Variants in NKAIN2 observed in about 807,000 individuals in gnomAD.
NKAIN2 encodes the protein sodium/potassium transporting ATPase interacting 2, also known as sodium/potassium-transporting ATPase subunit beta-1-interacting protein 2.
Under a neutral mutation model 32.6 loss-of-function variants are expected in NKAIN2, and 14 were observed. The observed-to-expected ratio is 0.43, with a 90% CI of 0.28 to 0.67. NKAIN2 has a LOEUF of 0.67. NKAIN2 is among the 30% of genes least tolerant of loss of function. The pLI is 0.17. For missense variants in NKAIN2, 198 were observed against 258.3 expected (o/e 0.77, Z 1.60); for synonymous variants, 80 against 87.2 (o/e 0.92, Z 0.46).
At chr6:124,572,414 A>G (rs568408941) in intron 3 of NKAIN2, among the ~76,000 whole-genome samples, 40 of 152,384 alleles carry the variant, frequency 2.6e-4, no homozygotes, top group Middle Eastern at 6.8e-3. Flanking sequence ...ATAATGAACC[A>G]TAACTGAGCA....
intron 3 of NKAIN2, among the ~76,000 whole-genome samples, chr6:124,506,261 G>A (rs1383959428): frequency 6.6e-6 from 1 of 152,152 alleles, no homozygotes; most frequent in African/African-American, 2.4e-5. Context: ...TGATATGGAA[G>A]GTGTTGAATT....
At chr6:124,816,386 T>C (rs1475771020) in intron 5 of NKAIN2, among the ~76,000 whole-genome samples, 2 of 152,148 alleles carry the variant, frequency 1.3e-5, no homozygotes, top group Admixed American at 1.3e-4. Flanking sequence ...ACCCATAGAA[T>C]GTACAACACC....
At chr6:124,721,770 G>A (rs1194903132) in intron 4 of NKAIN2, among the ~76,000 whole-genome samples, 2 of 152,074 alleles carry the variant, frequency 1.3e-5, no homozygotes, top group African/African-American at 4.8e-5. Flanking sequence ...GTGCCTCAAT[G>A]TACTGTCACC....
At chr6:123,931,135 C>T (rs1776234768) in intron 1 of NKAIN2, among the ~76,000 whole-genome samples, 1 of 151,756 alleles carries the variant, frequency 6.6e-6, no homozygotes, top group Non-Finnish European at 1.5e-5. Context: ...GGTGAGGTTA[C>T]CTCTTAACTC....
chr6:124,804,291 T>C (rs1780414976), intron 5 of NKAIN2, among the ~76,000 whole-genome samples: 1 of 152,218 alleles, frequency 6.6e-6, no homozygotes, highest in African/African-American at 2.4e-5. Flanking sequence ...TCACTGAGAA[T>C]TAGCAGATAT....
intron 1 of NKAIN2, among the ~76,000 whole-genome samples, chr6:124,063,167 A>G (rs1782996748): frequency 6.6e-6 from 1 of 151,958 alleles, no homozygotes; most frequent in Non-Finnish European, 1.5e-5. Context: ...CCTGGGCAAC[A>G]CAGTGAGACT....
intron 4 of NKAIN2, among the ~76,000 whole-genome samples, chr6:124,789,481 T>A (rs967348003): frequency 2.0e-5 from 3 of 151,964 alleles, no homozygotes; most frequent in Non-Finnish European, 4.4e-5. Context: ...CACAGCCAGA[T>A]CCAAGTACCA....
At chr6:124,155,598 C>CT (rs1196817378) in intron 1 of NKAIN2, among the ~76,000 whole-genome samples, 1,907 of 141,870 alleles carry the variant, frequency 0.013, 37 homozygotes, top group East Asian at 0.054. Context: ...TATATGCTAT[C>CT]TTTTTTTTTT....
At chr6:124,292,795 G>A (rs1795879235) in intron 2 of NKAIN2, among the ~76,000 whole-genome samples, 1 of 152,076 alleles carries the variant, frequency 6.6e-6, no homozygotes, top group African/African-American at 2.4e-5. Flanking sequence ...TACTGTGTCA[G>A]TTTAATGTTG....
chr6:123,998,054 A>G (rs1779704354), intron 1 of NKAIN2, among the ~76,000 whole-genome samples: 1 of 152,086 alleles, frequency 6.6e-6, no homozygotes, highest in South Asian at 2.1e-4. Context: ...TGGGGTTGGG[A>G]TTAAGTGCAC....
chr6:124,446,848 A>G (rs1008618772), intron 3 of NKAIN2, among the ~76,000 whole-genome samples: 2 of 152,120 alleles, frequency 1.3e-5, no homozygotes, highest in East Asian at 3.9e-4. Context: ...GATTCTGTCC[A>G]CAAGGGGACA....
chr6:124,286,133 C>T (rs73565682), intron 2 of NKAIN2, among the ~76,000 whole-genome samples: 20,875 of 152,064 alleles, frequency 0.14, 1,603 homozygotes, highest in East Asian at 0.26. Flanking sequence ...CCTTTGTGTA[C>T]ATACAAATGA....
chr6:124,114,189 A>G (rs960277091), intron 1 of NKAIN2, among the ~76,000 whole-genome samples: 1 of 152,126 alleles, frequency 6.6e-6, no homozygotes, highest in Non-Finnish European at 1.5e-5. Flanking sequence ...CAGTAGTGCT[A>G]TGTGTGAAGT....
At chr6:124,167,243 A>C (rs1788598705) in intron 1 of NKAIN2, among the ~76,000 whole-genome samples, 12 of 142,920 alleles carry the variant, frequency 8.4e-5, no homozygotes, top group African/African-American at 1.3e-4. Context: ...TGTCCCTTGT[A>C]AGTTGGATTC....
At chr6:124,559,731 C>T (rs1008356970) in intron 3 of NKAIN2, among the ~76,000 whole-genome samples, 4 of 151,984 alleles carry the variant, frequency 2.6e-5, no homozygotes, top group Middle Eastern at 3.4e-3. Context: ...GGGGATGCCA[C>T]GTCCTGGGTC....
chr6:124,750,810 G>A (rs1030985596), intron 4 of NKAIN2, among the ~76,000 whole-genome samples: 19 of 151,752 alleles, frequency 1.3e-4, no homozygotes, highest in African/African-American at 3.6e-4. Context: ...GTGACCCTTC[G>A]GTGCAGTTCA....
At chr6:124,539,178 A>T (rs927085761) in intron 3 of NKAIN2, among the ~76,000 whole-genome samples, 3 of 139,012 alleles carry the variant, frequency 2.2e-5, no homozygotes, top group African/African-American at 7.6e-5. Context: ...GTATAATCAG[A>T]GATATTTAAT....
At chr6:124,102,058 CA>C (rs1319688871) in intron 1 of NKAIN2, among the ~76,000 whole-genome samples, 1 of 152,204 alleles carries the variant, frequency 6.6e-6, no homozygotes, top group African/African-American at 2.4e-5. Flanking sequence ...ATTTTGGTAC[CA>C]GATCGAACTT....
intron 4 of NKAIN2, among the ~76,000 whole-genome samples, chr6:124,779,441 T>C (rs11755812): frequency 0.13 from 19,256 of 151,940 alleles, 1,315 homozygotes; most frequent in Admixed American, 0.15. Flanking sequence ...AATGAGTTGG[T>C]TCAAGATATA....
Sources: gnomAD v4.1 joint callset for allele counts (sites outside exome capture counted in the v4.1 genomes callset) on GRCh38, gnomAD v4.1.1 for gene constraint, MANE v1.5 for transcripts, NCBI Gene and HGNC (gene_info 2026-07-23, HGNC 2026-07-21) for gene names.